ITFG1: variants seen among roughly 807,000 people sequenced by gnomAD.
ITFG1 encodes the protein T-cell immunomodulatory protein.
A neutral mutation model predicts 81.8 loss-of-function variants in ITFG1; 34 were observed. The observed-to-expected ratio is 0.42, with a 90% CI of 0.32 to 0.55. The LOEUF (loss-of-function observed/expected upper bound fraction) is 0.55, where lower values mean the gene tolerates loss of function less well. Among genes scored for constraint, ITFG1 ranks in the 20% least tolerant of loss-of-function variants. The pLI is 0.17. For missense variants in ITFG1, 672 were observed against 755.4 expected, an observed-to-expected ratio of 0.89 and a Z score of 1.29; for synonymous variants, 285 against 270.6, an observed-to-expected ratio of 1.05 and a Z score of -0.52.
intron 14 of ITFG1, among the ~76,000 whole-genome samples, chr16:47,177,635 A>G (rs961015835): frequency 3.3e-5 from 5 of 152,228 alleles, no homozygotes; most frequent in Non-Finnish European, 5.9e-5. Context: ...AGTGATTTTA[A>G]TGACTTCTTA....
chr16:47,326,600 T>C (rs13335358), intron 8 of ITFG1, among the ~76,000 whole-genome samples: 17,940 of 152,164 alleles, frequency 0.12, 2,304 homozygotes, highest in African/African-American at 0.32. Context: ...AAAATCTCCT[T>C]AAGCTGATAA....
At chr16:47,427,929 T>C (rs1969044393) in intron 6 of ITFG1, among the ~76,000 whole-genome samples, 1 of 151,784 alleles carries the variant, frequency 6.6e-6, no homozygotes, top group African/African-American at 2.4e-5. Flanking sequence ...AGCCAAGGAG[T>C]TCAAGACCAG....
intron 10 of ITFG1, among the ~76,000 whole-genome samples, chr16:47,266,978 A>C (rs758288063): frequency 4.7e-4 from 72 of 152,214 alleles, no homozygotes; most frequent in Non-Finnish European, 1.9e-4. Flanking sequence ...GAATGTTCAG[A>C]ATAGGAAAAT....
At chr16:47,251,614 G>A (rs1338781020) in intron 12 of ITFG1, among the ~76,000 whole-genome samples, 1 of 152,188 alleles carries the variant, frequency 6.6e-6, no homozygotes, top group Non-Finnish European at 1.5e-5. Flanking sequence ...TTTCAAAGAT[G>A]AGCATATTAC....
intron 6 of ITFG1, among the ~76,000 whole-genome samples, chr16:47,389,149 G>A (rs1323242959): frequency 3.3e-5 from 5 of 151,926 alleles, no homozygotes; most frequent in South Asian, 2.1e-4. Flanking sequence ...AACCTTTTTC[G>A]GTCTGACTGT....
intron 6 of ITFG1, among the ~76,000 whole-genome samples, chr16:47,379,892 T>C (rs529136425): frequency 2.6e-5 from 4 of 152,082 alleles, no homozygotes; most frequent in African/African-American, 7.2e-5. Context: ...GTTTTCTTTT[T>C]TGAGAAATAT....
chr16:47,155,419 C>T lies in ITFG1; in HGVS notation c.*300G>A, dbSNP rs1449793270. The T allele has an allele frequency of 1.0e-5, 2 of 198,262 alleles. No homozygotes were observed. The highest frequency in any genetic ancestry group is 2.3e-4 in the East Asian group (2 of 8,724). 12.3% of individuals were successfully genotyped at this position (198,262 alleles called of 1,614,324 possible). A position where few individuals can be genotyped will look rare whatever the true frequency, so the allele number is the denominator to read the frequency against. On this transcript the variant is annotated 3_prime_UTR_variant, in exon 18 of 18. Transcript: ENST00000320640. ...TTTTTATTTACACAACTTTTTCCAT[C>T]ATCATGATGCAAATAAGATTATAAA...
intron 6 of ITFG1, among the ~76,000 whole-genome samples, chr16:47,415,895 C>T (rs191646650): frequency 6.6e-6 from 1 of 151,924 alleles, no homozygotes; most frequent in Non-Finnish European, 1.5e-5. Context: ...GGAGTTCGAG[C>T]CCAGCTTGGC....
chr16:47,237,428 A>G (rs1965889193), intron 13 of ITFG1, among the ~76,000 whole-genome samples: 2 of 152,226 alleles, frequency 1.3e-5, no homozygotes, highest in South Asian at 4.1e-4. Flanking sequence ...ACACAAACAC[A>G]TGCATGCTTT....
At chr16:47,381,102 GC>G (rs1206422151) in intron 6 of ITFG1, among the ~76,000 whole-genome samples, 2 of 152,316 alleles carry the variant, frequency 1.3e-5, no homozygotes, top group East Asian at 3.9e-4. Flanking sequence ...GTCAACTGCA[GC>G]TTAGCCTTCC....
intron 8 of ITFG1, among the ~76,000 whole-genome samples, chr16:47,348,352 A>T (rs1967891806): frequency 6.6e-6 from 1 of 152,256 alleles, no homozygotes; most frequent in Non-Finnish European, 1.5e-5. Context: ...TAACCAATGC[A>T]GAGAAGTCCT....
chr16:47,292,586 G>C (rs996141994), intron 10 of ITFG1, among the ~76,000 whole-genome samples: 20 of 152,084 alleles, frequency 1.3e-4, no homozygotes, highest in East Asian at 7.7e-4. Context: ...GTAAAGTCTG[G>C]GACATTAGTG....
At chr16:47,226,570 T>G (rs1286962912) in intron 13 of ITFG1, among the ~76,000 whole-genome samples, 1 of 134,796 alleles carries the variant, frequency 7.4e-6, no homozygotes, top group Non-Finnish European at 1.5e-5. Context: ...CCCGTTCCTG[T>G]GTCCAAATGC....
chr16:47,265,178 AT>A (rs5816573), intron 10 of ITFG1, among the ~76,000 whole-genome samples: 146,471 of 148,886 alleles, frequency 0.98, 72,064 homozygotes, highest in East Asian at 1. Flanking sequence ...CCAGCCTTTT[AT>A]TTTTTTTTTT....
At chr16:47,346,741 C>G (rs1967860921) in intron 8 of ITFG1, among the ~76,000 whole-genome samples, 1 of 152,068 alleles carries the variant, frequency 6.6e-6, no homozygotes, top group Admixed American at 6.6e-5. Flanking sequence ...TTAAACAGGC[C>G]AATGAGCAAT....
At chr16:47,221,064 C>T (rs1231460071) in intron 13 of ITFG1, among the ~76,000 whole-genome samples, 1 of 152,134 alleles carries the variant, frequency 6.6e-6, no homozygotes, top group Non-Finnish European at 1.5e-5. Flanking sequence ...AATGAAGAGC[C>T]TACCAGGTAC....
chr16:47,194,526 G>A (rs986881185), intron 14 of ITFG1, among the ~76,000 whole-genome samples: 4 of 152,104 alleles, frequency 2.6e-5, no homozygotes, highest in Non-Finnish European at 1.5e-5. Flanking sequence ...GAATAGTGAA[G>A]TCAGTCACTT....
chr16:47,282,124 T>C (rs1215062706), intron 10 of ITFG1, among the ~76,000 whole-genome samples: 1 of 151,600 alleles, frequency 6.6e-6, no homozygotes, highest in Non-Finnish European at 1.5e-5. Context: ...TGTACCCACG[T>C]ACAGTACAGT....
intron 8 of ITFG1, among the ~76,000 whole-genome samples, chr16:47,345,742 T>C (rs1967845090): frequency 6.6e-6 from 1 of 152,162 alleles, no homozygotes; most frequent in South Asian, 2.1e-4. Flanking sequence ...TTTGTGTGTC[T>C]AAAGATATGT....
Sources: gnomAD v4.1 joint callset for allele counts (sites outside exome capture counted in the v4.1 genomes callset) on GRCh38, gnomAD v4.1.1 for gene constraint, MANE v1.5 for transcripts, NCBI Gene and HGNC (gene_info 2026-07-23, HGNC 2026-07-21) for gene names.